Variants in NAPA observed in about 807,000 individuals in gnomAD.
NAPA encodes NSF attachment protein alpha, also known as alpha-soluble NSF attachment protein.
NAPA carries 18 observed loss-of-function variants against 48.0 expected under a neutral mutation model. The observed-to-expected ratio is 0.38, with a 90% CI of 0.26 to 0.56. The LOEUF is 0.56. Ranked by LOEUF, NAPA falls within the 20% of genes least tolerant of loss-of-function variation. The pLI is 0.77. For synonymous variants in NAPA, 152 were observed against 149.9 expected (o/e 1.01, Z -0.10); for missense variants, 315 against 385.0 (o/e 0.82, Z 1.52).
At chr19:47,502,032 G>A (rs990156913) in intron 2 of NAPA, among the ~76,000 whole-genome samples, 48 of 151,906 alleles carry the variant, frequency 3.2e-4, no homozygotes, top group African/African-American at 9.2e-4. Flanking sequence ...CACGAGATCA[G>A]GAGATGGAGA....
chr19:47,488,454 C>T, intron 10 of NAPA, 65 bp from the exon 11 acceptor site: 1 of 1,329,772 alleles, frequency 7.5e-7, no homozygotes. Context: ...AGCCCAAGGG[C>T]ACTTGTCCCA....
chr19:47,514,891 G>C lies in NAPA; in HGVS notation c.50C>G (p.Ala17Gly). The C allele has an allele frequency of 6.2e-7, 1 of 1,613,994 alleles. No homozygotes were observed. Among genetic ancestry groups the C allele is most frequent in the Non-Finnish European group, 8.5e-7 (1 of 1,180,014 alleles). ...CTGCGAGTTCTTCACTTTGCGCTCC[G>C]CCTCGGCCAACAGCGCCATCGCCTC... is the stretch of plus-strand genomic sequence containing the variant. ...EAEAMALLAE[A>G]ERKVKNSQSF... The change falls in exon 1 of 11, where the codon GCG becomes GGG. Residue 17 changes from alanine to glycine, a missense_variant. Physicochemically the swap from Ala to Gly is moderately conservative, Grantham distance 60. Coordinates refer to ENST00000263354, the MANE Select transcript of NAPA (RefSeq NM_003827.4).
Position 47,515,049 on chromosome 19 carries a change from G to A in NAPA, c.-109C>T. On this transcript the variant is annotated 5_prime_UTR_variant, in exon 1 of 11. It adds an upstream start codon to the 5' untranslated region. Coordinates refer to ENST00000263354, the MANE Select transcript of NAPA (RefSeq NM_003827.4). Reference sequence around the variant, plus strand: ...GTAAAACTCGCCCGGCTGCGTTGACGTCGCACCGGCGCGCGTCGCTTGCGG... The same window carrying A: ...GTAAAACTCGCCCGGCTGCGTTGACATCGCACCGGCGCGCGTCGCTTGCGG... The A allele has an allele frequency of 1.8e-6, 2 of 1,129,768 alleles. No individual in the cohort carries two copies. The highest frequency in any genetic ancestry group is 1.6e-5 in the African/African-American group (1 of 63,694). The allele number at this position is 1,129,768 out of a possible 1,614,324, so 70.0% of individuals were successfully genotyped here. A position where few individuals can be genotyped will look rare whatever the true frequency, so the allele number is the denominator to read the frequency against.
chr19:47,508,267 T>C (rs1012049191), intron 1 of NAPA, among the ~76,000 whole-genome samples: 3 of 152,228 alleles, frequency 2.0e-5, no homozygotes, highest in Non-Finnish European at 4.4e-5. Context: ...CCACCAGCCC[T>C]GCTAGTCCAC....
At position 47,493,534 on chromosome 19, in the gene NAPA, C is replaced by T; in HGVS notation, c.343-41G>A. ...GAAGGGGCTGCCTGCGACTCATGAC[C>T]TCCTGCGTGCCTGCCTGCTGACCTA... On this transcript the variant is annotated intron_variant, in intron 4 of 10. Coordinates refer to ENST00000263354, the MANE Select transcript of NAPA (RefSeq NM_003827.4). This position sits in a 1 kb window ranked among gnomAD's most constrained non-coding sequence, Gnocchi z 6.4. 1.3e-6 allele frequency: 2 copies of T among 1,574,392 alleles called. No individual in the cohort carries two copies. Among genetic ancestry groups the T allele is most frequent in the East Asian group, 2.2e-5 (1 of 44,672 alleles).
At position 47,492,001 on chromosome 19, in the gene NAPA, G is replaced by A. The variant is rs369897102; in HGVS notation, c.666+14C>T. ...GGCCTGGTGCGGTGGTCCTGCGGGC[G>A]TGGGGTGTGCTACCTTGGCGTTGAG... On this transcript the variant is annotated intron_variant, in intron 8 of 10. Transcript: ENST00000263354. The A allele has an allele frequency of 5.3e-5, 85 of 1,610,180 alleles. No individual in the cohort carries two copies. The highest frequency in any genetic ancestry group is 6.7e-5 in the African/African-American group (5 of 74,866).
chr19:47,494,209 C>A (rs1486658118), intron 4 of NAPA, among the ~76,000 whole-genome samples: 1 of 152,210 alleles, frequency 6.6e-6, no homozygotes, highest in Non-Finnish European at 1.5e-5. Flanking sequence ...TGTCCCTGGG[C>A]AAATCATGTC....
chr19:47,486,502 T>C (rs1258260879), downstream of NAPA, among the ~76,000 whole-genome samples: 1 of 152,182 alleles, frequency 6.6e-6, no homozygotes, highest in Non-Finnish European at 1.5e-5. Context: ...GGTTTTGCCA[T>C]GTTGGCTAGG....
At position 47,492,831 on chromosome 19, in the gene NAPA, G is replaced by A. The variant is rs760954077; in HGVS notation, c.561+130C>T. 3.6e-6 allele frequency: 3 copies of A among 836,646 alleles called. No individual in the cohort carries two copies. The South Asian group carries it at 4.2e-5, about 12-fold the overall frequency. The allele number at this position is 836,646 out of a possible 1,614,324, so 51.8% of individuals were successfully genotyped here. A position where few individuals can be genotyped will look rare whatever the true frequency, so the allele number is the denominator to read the frequency against. On this transcript the variant is annotated intron_variant, in intron 7 of 10. Transcript: ENST00000263354. Reference sequence around the variant, plus strand: ...ACAGGGTGGGGGGATGACATGGCAAGGGATGTCGGGGGAGAGGCAGAGGGT... The same window carrying A: ...ACAGGGTGGGGGGATGACATGGCAAAGGATGTCGGGGGAGAGGCAGAGGGT...
chr19:47,493,572 TTCCCACCCCTC>T lies in NAPA; in HGVS notation c.343-90_343-80del. The T allele has an allele frequency of 8.1e-7, 1 of 1,240,538 alleles. No homozygotes were observed. The highest frequency in any genetic ancestry group is 2.3e-5 in the East Asian group (1 of 42,892). The allele number at this position is 1,240,538 out of a possible 1,614,324, so 76.8% of individuals were successfully genotyped here. ...GCCTGCTGACCTATGACCCTTCAAGTTCCCACCCCTCAGCCACGCCTGTGAGGAGGTATGAA... is the reference window on the plus strand; with the variant it reads ...GCCTGCTGACCTATGACCCTTCAAGTAGCCACGCCTGTGAGGAGGTATGAA... On this transcript the variant is annotated intron_variant, in intron 4 of 10. Transcript: ENST00000263354. This position sits in a 1 kb window ranked among gnomAD's most constrained non-coding sequence, Gnocchi z 6.4.
downstream of NAPA, among the ~76,000 whole-genome samples, chr19:47,487,172 C>T (rs541551371): frequency 6.6e-6 from 1 of 152,316 alleles, no homozygotes. Context: ...TCAGACTCTG[C>T]CCACCAAAGC....
At chr19:47,492,695 T>C (rs772533803) in intron 7 of NAPA, 6 of 619,818 alleles carry the variant, frequency 9.7e-6, no homozygotes, top group African/African-American at 1.8e-5. Context: ...AGCCTCACTC[T>C]GGGCCCCTCC....
rs1442670409 is a variant in NAPA, at chr19:47,506,133, G to A, written c.99-2631C>T. ...CTGCCTCAGCCTCCTGAGTAGCTGG[G>A]ATTACAGATGTGTGCCATCACACCC... On this transcript the variant is annotated intron_variant, in intron 1 of 10. Transcript: ENST00000263354. The surrounding 1 kb of genome is among the most constrained non-coding windows in gnomAD (Gnocchi z 4.0). 2.0e-5 allele frequency among the ~76,000 whole-genome samples: 3 copies of A among 151,898 alleles called. No individual in the cohort carries two copies. The highest frequency in any genetic ancestry group is 6.6e-5 in the Admixed American group (1 of 15,254).
chr19:47,509,339 TAAAATAAAATAAATAAAATA>T (rs1219480786), intron 1 of NAPA, among the ~76,000 whole-genome samples: 2 of 125,046 alleles, frequency 1.6e-5, no homozygotes, highest in East Asian at 4.7e-4. Flanking sequence ...TAAAATAAAA[TAAAATAAAATAAATAAAATA>T]AAATAAAATA....
chr19:47,505,994 CTTTTTTT>C (rs760461648), intron 1 of NAPA, among the ~76,000 whole-genome samples: 1 of 126,944 alleles, frequency 7.9e-6, no homozygotes, highest in Non-Finnish European at 1.7e-5. Flanking sequence ...GGAGTGACTT[CTTTTTTT>C]TTTTTTTTTT....
Position 47,503,347 on chromosome 19 carries a change from C to G in NAPA, c.178+76G>C, listed in dbSNP as rs773775389. 4.3e-6 allele frequency: 6 copies of G among 1,380,692 alleles called. No homozygotes were observed. In the South Asian group the frequency reaches 4.6e-5, roughly 11 times the overall value. The allele number at this position is 1,380,692 out of a possible 1,614,324, so 85.5% of individuals were successfully genotyped here. A position where few individuals can be genotyped will look rare whatever the true frequency, so the allele number is the denominator to read the frequency against. On this transcript the variant is annotated intron_variant, in intron 2 of 10. Transcript: ENST00000263354. ...GAGAAAGGGCCCTCAAGGCCAACCTCTCGGGCAGGCCTGTGTGAGTGGAAG... is the reference window on the plus strand; with the variant it reads ...GAGAAAGGGCCCTCAAGGCCAACCTGTCGGGCAGGCCTGTGTGAGTGGAAG...
Position 47,488,204 on chromosome 19 carries a change from A to C in NAPA, c.*84T>G, listed in dbSNP as rs1030764835. 3.0e-6 allele frequency: 4 copies of C among 1,325,754 alleles called. No homozygotes were observed. In the African/African-American group the frequency reaches 4.3e-5, roughly 14 times the overall value. The allele number at this position is 1,325,754 out of a possible 1,614,324, so 82.1% of individuals were successfully genotyped here. Reference sequence around the variant, plus strand: ...CGCGGCACTCCCCAGATGGGAAAGGAGGGAAGCTCTCCAGCAAGTCTCGGC... The same window carrying C: ...CGCGGCACTCCCCAGATGGGAAAGGCGGGAAGCTCTCCAGCAAGTCTCGGC... On this transcript the variant is annotated 3_prime_UTR_variant, in exon 11 of 11. Transcript: ENST00000263354.
At chr19:47,498,943 T>C in intron 3 of NAPA, among the ~76,000 whole-genome samples, 1 of 152,198 alleles carries the variant, frequency 6.6e-6, no homozygotes. Flanking sequence ...AACTGCCCCC[T>C]TTCTTCCTTG....
At chr19:47,501,973 T>C (rs1013144940) in intron 2 of NAPA, among the ~76,000 whole-genome samples, 5 of 152,062 alleles carry the variant, frequency 3.3e-5, no homozygotes, top group Non-Finnish European at 7.4e-5. Context: ...CCAGGCGCGG[T>C]GGCTCATGCC....
Sources: gnomAD v4.1 joint callset for allele counts (sites outside exome capture counted in the v4.1 genomes callset) on GRCh38, gnomAD v4.1.1 for gene constraint, Gnocchi (gnomAD v3.1) non-coding constraint, MANE v1.5 for transcripts, NCBI Gene and HGNC (gene_info 2026-07-23, HGNC 2026-07-21) for gene names.